The following SLC44A5 variants were observed in gnomAD, a reference collection of about 807,000 sequenced individuals.
SLC44A5 encodes the protein choline transporter-like protein 5.
In SLC44A5, 57 loss-of-function variants were observed where a neutral mutation model predicts 101.8. That is an observed-to-expected ratio of 0.56 (90% CI 0.45 to 0.70). SLC44A5 has a LOEUF of 0.70. SLC44A5 is among the 30% of genes least tolerant of loss of function. The pLI, the probability that SLC44A5 is intolerant of heterozygous loss-of-function variation, is 0.00. For synonymous variants in SLC44A5, 281 were observed against 290.9 expected, an observed-to-expected ratio of 0.97 and a Z score of 0.35; for missense variants, 737 against 853.1, an observed-to-expected ratio of 0.86 and a Z score of 1.70.
At chr1:75,238,477 G>A in intron 10 of SLC44A5, 36 bp downstream of exon 10, 1 of 1,524,578 alleles carries the variant, frequency 6.6e-7, no homozygotes, top group Non-Finnish European at 8.8e-7. Context: ...ATAACAAAAT[G>A]CATCAAACTG....
the SLC44A5 span, among the ~76,000 whole-genome samples, chr1:75,693,037 G>T: frequency 2.0e-5 from 3 of 152,242 alleles, no homozygotes; most frequent in African/African-American, 7.2e-5. Context: ...TCAAGGAGCA[G>T]AAGTGAGGAC....
At chr1:75,236,599 G>A (rs11162872) in intron 11 of SLC44A5, among the ~76,000 whole-genome samples, 25,676 of 151,784 alleles carry the variant, frequency 0.17, 2,438 homozygotes, top group Non-Finnish European at 0.22. Flanking sequence ...GTCAAGGGAG[G>A]GACGAATTAG....
the SLC44A5 span, among the ~76,000 whole-genome samples, chr1:75,719,696 T>C: frequency 1.3e-5 from 2 of 152,222 alleles, no homozygotes; most frequent in African/African-American, 2.4e-5. Flanking sequence ...CTTGTGTGGA[T>C]TGTATTTCTA....
chr1:75,578,569 G>A (rs1673505493), intron 1 of SLC44A5, among the ~76,000 whole-genome samples: 1 of 152,098 alleles, frequency 6.6e-6, no homozygotes, highest in East Asian at 1.9e-4. Context: ...ATTTATATGT[G>A]GAATCTAAAA....
chr1:75,620,074 C>T, the SLC44A5 span, among the ~76,000 whole-genome samples: 1 of 152,130 alleles, frequency 6.6e-6, no homozygotes, highest in Non-Finnish European at 1.5e-5. Flanking sequence ...TGATTGACAA[C>T]ATGTGGTGTT....
At chr1:75,242,351 AT>A (rs796826427) in intron 8 of SLC44A5, among the ~76,000 whole-genome samples, 9 of 151,882 alleles carry the variant, frequency 5.9e-5, no homozygotes, top group African/African-American at 2.2e-4. Context: ...TGAGTCTCTG[AT>A]TTTTTTGTGG....
At chr1:75,323,598 A>G (rs919471131) in intron 4 of SLC44A5, among the ~76,000 whole-genome samples, 3 of 152,196 alleles carry the variant, frequency 2.0e-5, no homozygotes, top group African/African-American at 7.2e-5. Context: ...TATTCTTTGC[A>G]AAGTAAATGA....
At chr1:75,649,469 T>C in the SLC44A5 span, among the ~76,000 whole-genome samples, 1 of 152,104 alleles carries the variant, frequency 6.6e-6, no homozygotes, top group African/African-American at 2.4e-5. Context: ...TGCCTTCCAT[T>C]CACTTCCTTC....
At chr1:75,706,244 T>A in the SLC44A5 span, among the ~76,000 whole-genome samples, 3 of 152,284 alleles carry the variant, frequency 2.0e-5, no homozygotes, top group South Asian at 6.2e-4. Context: ...CTTCTTTAAC[T>A]TACAAATCAC....
At chr1:75,208,201 TA>T (rs1481859766) in intron 23 of SLC44A5, among the ~76,000 whole-genome samples, 3 of 152,156 alleles carry the variant, frequency 2.0e-5, no homozygotes, top group Non-Finnish European at 4.4e-5. Context: ...CTCTGTCACC[TA>T]GCCTGGAGTG....
At chr1:75,224,224 A>G (rs183649664) in intron 13 of SLC44A5, among the ~76,000 whole-genome samples, 1 of 152,338 alleles carries the variant, frequency 6.6e-6, no homozygotes, top group East Asian at 1.9e-4. Flanking sequence ...AAACAAACCA[A>G]TTGTGCTGAC....
intron 1 of SLC44A5, among the ~76,000 whole-genome samples, chr1:75,591,697 C>A (rs1674362428): frequency 6.6e-6 from 1 of 151,884 alleles, no homozygotes; most frequent in South Asian, 2.1e-4. Context: ...TGGGATTTAC[C>A]CCTGGGATGC....
chr1:75,357,205 G>C (rs1274617358), intron 3 of SLC44A5: 16 of 455,744 alleles, frequency 3.5e-5, no homozygotes, highest in Non-Finnish European at 6.6e-5. Context: ...CTTGGCCTTA[G>C]TTGCTGGTGT....
rs374531451 is a variant in SLC44A5, at chr1:75,519,498, C to T, written c.13+21937G>A. Among the ~76,000 whole-genome samples, 15 of 151,970 alleles carry T rather than the reference C, an allele frequency of 9.9e-5. 1 individual carries two copies. The South Asian group carries it at 1.9e-3, about 19-fold the overall frequency. On this transcript the variant is annotated intron_variant, in intron 2 of 23. Coordinates refer to ENST00000370859, the MANE Select transcript of SLC44A5 (RefSeq NM_001130058.2). The stretch of plus-strand genomic sequence containing the variant: ...GCTTGAACCCGGGAAGCAGAGGTTG[C>T]AGTGAGCCAAGATCACACCCCTGCA...
At chr1:75,717,660 G>T in the SLC44A5 span, among the ~76,000 whole-genome samples, 1 of 152,116 alleles carries the variant, frequency 6.6e-6, no homozygotes, top group Non-Finnish European at 1.5e-5. Flanking sequence ...ATTGATGGGG[G>T]TGAAACTTAG....
At chr1:75,431,399 T>C (rs1008752626) in intron 2 of SLC44A5, among the ~76,000 whole-genome samples, 4 of 152,224 alleles carry the variant, frequency 2.6e-5, no homozygotes, top group African/African-American at 9.6e-5. Flanking sequence ...TATTGTGGCA[T>C]ACTGTGTGTG....
chr1:75,291,625 C>T (rs775415416), intron 5 of SLC44A5, among the ~76,000 whole-genome samples: 1 of 151,994 alleles, frequency 6.6e-6, no homozygotes, highest in African/African-American at 2.4e-5. Context: ...CAAAAGGCTT[C>T]CAGCAGATGA....
intron 2 of SLC44A5, among the ~76,000 whole-genome samples, chr1:75,490,254 C>G (rs1668359864): frequency 6.6e-6 from 1 of 152,074 alleles, no homozygotes; most frequent in African/African-American, 2.4e-5. Flanking sequence ...TTATCATTTA[C>G]AGCAATTACT....
intron 2 of SLC44A5, among the ~76,000 whole-genome samples, chr1:75,412,654 T>C (rs1304206525): frequency 2.0e-5 from 3 of 152,198 alleles, no homozygotes; most frequent in Admixed American, 6.6e-5. Context: ...CAGTTACCTG[T>C]CATCAGCTGA....
Sources: allele counts gnomAD v4.1 joint callset (sites outside exome capture counted in the v4.1 genomes callset), GRCh38; gene constraint gnomAD v4.1.1; transcripts MANE v1.5; gene names NCBI Gene and HGNC (gene_info 2026-07-23, HGNC 2026-07-21).